TPM3: variants seen among roughly 807,000 people sequenced by gnomAD.
TPM3 encodes tropomyosin alpha-3 chain.
A neutral mutation model predicts 43.1 loss-of-function variants in TPM3; 16 were observed. The ratio of observed to expected loss-of-function variants is 0.37; its 90% CI spans 0.25 to 0.56. The LOEUF (loss-of-function observed/expected upper bound fraction) is 0.56. Among genes scored for constraint, TPM3 ranks in the 20% least tolerant of loss-of-function variants. The pLI is 0.77. For synonymous variants in TPM3, 101 were observed against 116.9 expected, an observed-to-expected ratio of 0.86 and a Z score of 0.88; for missense variants, 176 against 337.2, an observed-to-expected ratio of 0.52 and a Z score of 3.74.
downstream of TPM3, among the ~76,000 whole-genome samples, chr1:154,160,362 TGGG>T (rs1558026714): frequency 6.6e-6 from 1 of 152,228 alleles, no homozygotes; most frequent in Non-Finnish European, 1.5e-5. Context: ...CCCTGCCTTG[TGGG>T]CTGAGGCTCT....
intron 9 of TPM3, among the ~76,000 whole-genome samples, chr1:154,168,840 T>C (rs1419086410): frequency 7.0e-6 from 1 of 142,642 alleles, no homozygotes; most frequent in East Asian, 2.0e-4. Context: ...ATGTTTTTCT[T>C]TTTTTTTTTT....
In TPM3 at chr1:154,162,158, C is replaced by T. The variant is rs2148198995; in HGVS notation, c.*5779G>A. Among the ~76,000 whole-genome samples, 2 of 152,018 alleles carry T rather than the reference C, an allele frequency of 1.3e-5. No homozygotes were observed. Among genetic ancestry groups the T allele is most frequent in the South Asian group, 4.2e-4 (2 of 4,810 alleles). ...GGCCGAGGCGGGCAGATCACGAGGT[C>T]AGGAGTTTGAGATCAGCCTAACATG... is the stretch of plus-strand genomic sequence containing the variant. On this transcript the variant is annotated 3_prime_UTR_variant, in exon 10 of 10. Transcript: ENST00000651641.
chr1:154,179,617 C>G (rs1571430869), intron 2 of TPM3, among the ~76,000 whole-genome samples: 1 of 152,132 alleles, frequency 6.6e-6, no homozygotes, highest in African/African-American at 2.4e-5. Context: ...TGCCGATACT[C>G]GCCCAGGCTG....
Position 154,179,818 on chromosome 1 carries a change from A to G in TPM3, c.244-3570T>C, listed in dbSNP as rs1662751386. ...AGGTGGACCTCAGATCCACCCGCCT[A>G]GGCCTCCCAAAGGGCTGGGATTACA... On this transcript the variant is annotated intron_variant, in intron 2 of 9. Transcript: ENST00000651641. Among the ~76,000 whole-genome samples the G allele has an allele frequency of 3.9e-5, 6 of 152,130 alleles. No individual in the cohort carries two copies. In the South Asian group the frequency reaches 1.2e-3, roughly 31 times the overall value.
chr1:154,188,674 CA>C (rs572467862), intron 2 of TPM3, among the ~76,000 whole-genome samples: 2,204 of 59,536 alleles, frequency 0.037, 39 homozygotes, highest in African/African-American at 0.12. Flanking sequence ...GACTCCGTCT[CA>C]AAAAAAAAAA....
At chr1:154,185,228 C>T (rs1468668694) in intron 2 of TPM3, among the ~76,000 whole-genome samples, 2 of 150,740 alleles carry the variant, frequency 1.3e-5, no homozygotes, top group African/African-American at 2.5e-5. Context: ...AAAAATTAGC[C>T]GGGTGTGGTG....
chr1:154,162,323 C>A lies in TPM3; in HGVS notation c.*5614G>T, dbSNP rs1171283284. The stretch of plus-strand genomic sequence containing the variant: ...GAGCTTGCAGTGAGCCAAGATCACA[C>A]CACCGCACTCCAGCCTGGGCAACAG... On this transcript the variant is annotated 3_prime_UTR_variant, in exon 10 of 10. Transcript: ENST00000651641. Among the ~76,000 whole-genome samples the A allele has an allele frequency of 6.8e-6, 1 of 147,642 alleles. No homozygotes were observed. The highest frequency in any genetic ancestry group is 1.5e-5 in the Non-Finnish European group (1 of 67,364).
chr1:154,170,505 G>GAA (rs1339793566), intron 7 of TPM3, 36 bp from the exon 8 acceptor site: 1 of 1,610,542 alleles, frequency 6.2e-7, no homozygotes, highest in South Asian at 1.1e-5. Flanking sequence ...AACCAGAGAT[G>GAA]AAGACAAAGA....
intron 2 of TPM3, among the ~76,000 whole-genome samples, chr1:154,184,241 G>C (rs1223611689): frequency 6.6e-6 from 1 of 151,890 alleles, no homozygotes; most frequent in Non-Finnish European, 1.5e-5. Context: ...GTTTCACCGT[G>C]TTAGCCAGGA....
At position 154,163,931 on chromosome 1, in the gene TPM3, CCT is replaced by C. The variant is rs1406455617; in HGVS notation, c.*4004_*4005del. Among the ~76,000 whole-genome samples, 6 of 152,054 alleles carry C rather than the reference CCT, an allele frequency of 3.9e-5. No homozygotes were observed. Among genetic ancestry groups the C allele is most frequent in the Non-Finnish European group, 7.4e-5 (5 of 68,020 alleles). On this transcript the variant is annotated 3_prime_UTR_variant, in exon 10 of 10. Coordinates refer to ENST00000651641, the MANE Select transcript of TPM3 (RefSeq NM_152263.4). Reference sequence around the variant, plus strand: ...TACAGGCGTGAGCCACCGTGCCTGGCCTCTTTTTTTTGTATTTGCAATTGTCC... The same window carrying C: ...TACAGGCGTGAGCCACCGTGCCTGGCCTTTTTTTTGTATTTGCAATTGTCC...
intron 2 of TPM3, among the ~76,000 whole-genome samples, chr1:154,177,552 T>TACCCTGACTGCAAC (rs1662477209): frequency 6.6e-6 from 1 of 151,842 alleles, no homozygotes; most frequent in Admixed American, 6.6e-5. Flanking sequence ...TGGTGGGAGG[T>TACCCTGACTGCAAC]ACCCTGACTG....
chr1:154,170,579 T>A, intron 7 of TPM3, 70 bp downstream of exon 7: 1 of 1,593,702 alleles, frequency 6.3e-7, no homozygotes, highest in Non-Finnish European at 8.6e-7. Context: ...CCAGCCAGTT[T>A]AAATCCATAT....
Position 154,166,646 on chromosome 1 carries a change from T to C in TPM3, c.*1291A>G, listed in dbSNP as rs375670563. ...CTTGGATTAGTATAATTCACAGCTA[T>C]ACTATTAAGAAATCTCTGCTGTGTA... On this transcript the variant is annotated 3_prime_UTR_variant, in exon 10 of 10. Coordinates refer to ENST00000651641, the MANE Select transcript of TPM3 (RefSeq NM_152263.4). 800 of 1,033,428 alleles carry C rather than the reference T, an allele frequency of 7.7e-4. 9 individuals carry two copies. The South Asian group carries it at 0.032, about 42-fold the overall frequency. 64.0% of individuals were successfully genotyped at this position (1,033,428 alleles called of 1,614,324 possible).
downstream of TPM3, chr1:154,158,559 C>G (rs1447332590): frequency 5.8e-6 from 2 of 345,032 alleles, no homozygotes; most frequent in African/African-American, 4.2e-5. Flanking sequence ...TTTTTCCACC[C>G]AGTCAGAAGG....
At chr1:154,187,438 G>A in intron 2 of TPM3, 2 of 984,622 alleles carry the variant, frequency 2.0e-6, no homozygotes, top group Non-Finnish European at 2.4e-6. Flanking sequence ...TCTGACTTGG[G>A]AAAGCTAACA....
rs985901438 is a variant in TPM3, at chr1:154,164,617, C to T, written c.*3320G>A. Among the ~76,000 whole-genome samples, 1 of 152,196 alleles carries T rather than the reference C, an allele frequency of 6.6e-6. No homozygotes were observed. Among genetic ancestry groups the T allele is most frequent in the Non-Finnish European group, 1.5e-5 (1 of 68,044 alleles). ...CTCCTAGAAAACTAAATTAACCTAA[C>T]CCAATTTTTTCCAAAGTGTGGTGTA... On this transcript the variant is annotated 3_prime_UTR_variant, in exon 10 of 10. Coordinates refer to ENST00000651641, the MANE Select transcript of TPM3 (RefSeq NM_152263.4).
At chr1:154,157,780 G>A (rs370235656), downstream of TPM3, 325 of 779,464 alleles carry the variant, frequency 4.2e-4, 1 homozygote, top group Non-Finnish European at 4.9e-4. Flanking sequence ...AGGTCTACCC[G>A]CTCTTTGAGA....
At chr1:154,170,261 G>A (rs1028456697) in intron 8 of TPM3, 139 bp downstream of exon 8, 5 of 895,016 alleles carry the variant, frequency 5.6e-6, no homozygotes, top group Admixed American at 2.0e-5. Context: ...GCCTAGCTGT[G>A]GCATAGGACA....
chr1:154,178,832 G>A (rs778742392), intron 2 of TPM3, among the ~76,000 whole-genome samples: 5 of 152,182 alleles, frequency 3.3e-5, no homozygotes, highest in Non-Finnish European at 7.3e-5. Context: ...AGTAATAATA[G>A]GATTCTCCAC....
Sources: gnomAD v4.1 joint callset for allele counts (sites outside exome capture counted in the v4.1 genomes callset) on GRCh38, gnomAD v4.1.1 for gene constraint, MANE v1.5 for transcripts, NCBI Gene and HGNC (gene_info 2026-07-23, HGNC 2026-07-21) for gene names.